The following WNK1 variants were observed in gnomAD, a reference collection of about 807,000 sequenced individuals.
WNK1 encodes serine/threonine-protein kinase WNK1.
A neutral mutation model predicts 222.8 loss-of-function variants in WNK1; 38 were observed. The ratio of observed to expected loss-of-function variants is 0.17; its 90% CI spans 0.13 to 0.22. The LOEUF (loss-of-function observed/expected upper bound fraction) is 0.22, where lower values mean the gene tolerates loss of function less well. Ranked by LOEUF, WNK1 falls within the 10% of genes least tolerant of loss-of-function variation. The pLI is 1.00. For missense variants in WNK1, 2,348 were observed against 2,918.4 expected, an observed-to-expected ratio of 0.80 and a Z score of 4.50; for synonymous variants, 1,090 against 1,092.9, an observed-to-expected ratio of 1.00 and a Z score of 0.05.
intron 1 of WNK1, among the ~76,000 whole-genome samples, chr12:802,920 G>A (rs891114985): frequency 6.6e-5 from 10 of 152,126 alleles, no homozygotes; most frequent in Non-Finnish European, 1.3e-4. Context: ...AGATGGATAT[G>A]TTCAATAAAT....
intron 1 of WNK1, among the ~76,000 whole-genome samples, chr12:806,726 T>C (rs1202050414): frequency 6.6e-6 from 1 of 152,154 alleles, no homozygotes; most frequent in Non-Finnish European, 1.5e-5. Flanking sequence ...AATGAGTGAT[T>C]TGTGGAGAGA....
At chr12:893,507 G>A (rs1384466147) in intron 22 of WNK1, among the ~76,000 whole-genome samples, 1 of 152,082 alleles carries the variant, frequency 6.6e-6, no homozygotes, top group Non-Finnish European at 1.5e-5. Context: ...TCCCCGGAAA[G>A]GTTTTTAAAT....
At chr12:867,213 A>T (rs991427868) in intron 8 of WNK1, among the ~76,000 whole-genome samples, 1 of 152,228 alleles carries the variant, frequency 6.6e-6, no homozygotes, top group African/African-American at 2.4e-5. Context: ...AACATGTTTC[A>T]TGTAGTAAAA....
intron 1 of WNK1, among the ~76,000 whole-genome samples, chr12:774,962 T>A (rs1451591783): frequency 6.6e-6 from 1 of 152,194 alleles, no homozygotes. Flanking sequence ...ATGTCAATAG[T>A]ATATCACTGT....
chr12:841,393 T>G (rs1949614443), intron 4 of WNK1, among the ~76,000 whole-genome samples: 1 of 152,242 alleles, frequency 6.6e-6, no homozygotes, highest in African/African-American at 2.4e-5. Flanking sequence ...CTTCTTTCAC[T>G]TAGCAAAATG....
Position 861,253 on chromosome 12 carries a change from G to C in WNK1, c.1861G>C (p.Ala621Pro). Reference sequence around the variant, plus strand: ...CATACCTACTGCTTCTACCACTTCAGCTTCAGTTTCTACACAAGTAGAACC... The same window carrying C: ...CATACCTACTGCTTCTACCACTTCACCTTCAGTTTCTACACAAGTAGAACC... ...TGIPTASTTS[A>P]SVSTQVEPEE... Residue 621 changes from alanine (A) to proline (P), a missense_variant, in exon 7 of 28, where the codon GCT becomes CCT. Physicochemically the swap from Ala to Pro is conservative, Grantham distance 27. This residue lies in a region of WNK1 where 103 missense variants were observed against 111.5 expected (regional missense o/e 0.92). Transcript: ENST00000315939. The C allele has an allele frequency of 6.2e-7, 1 of 1,614,098 alleles. No homozygotes were observed. The highest frequency in any genetic ancestry group is 8.5e-7 in the Non-Finnish European group (1 of 1,180,002).
Position 763,076 on chromosome 12 carries a change from T to C in WNK1, c.759+8752T>C, listed in dbSNP as rs1253671541. On this transcript the variant is annotated intron_variant, in intron 1 of 27. Transcript: ENST00000315939. ...TTTTATCTTTTGGTTCTGTTTACTT[T>C]GAGGTTTGCAAGACCTCCCGTGGAT... Among the ~76,000 whole-genome samples the C allele has an allele frequency of 1.4e-5, 2 of 147,366 alleles. 1 individual carries two copies. The highest frequency in any genetic ancestry group is 3.0e-5 in the Non-Finnish European group (2 of 65,994).
In WNK1 at chr12:868,970, T is replaced by C. The variant is rs751732237; in HGVS notation, c.2140-2295T>C. The stretch of plus-strand genomic sequence containing the variant: ...AGCTGCACCTTTTGGCTCTGACGTC[T>C]CAATGCCCTTTATCCATCTGCCTCA... On this transcript the variant is annotated intron_variant, in intron 8 of 27. Transcript: ENST00000315939. 3.1e-6 allele frequency: 5 copies of C among 1,592,750 alleles called. No homozygotes were observed. The highest frequency in any genetic ancestry group is 4.3e-6 in the Non-Finnish European group (5 of 1,169,612).
chr12:825,738 G>A (rs1055007243), intron 2 of WNK1, among the ~76,000 whole-genome samples: 1 of 151,942 alleles, frequency 6.6e-6, no homozygotes, highest in Non-Finnish European at 1.5e-5. Context: ...AACAAATTCA[G>A]GAACTGAAAA....
At chr12:892,464 T>G (rs570317816) in intron 22 of WNK1, among the ~76,000 whole-genome samples, 1 of 152,302 alleles carries the variant, frequency 6.6e-6, no homozygotes, top group African/African-American at 2.4e-5. Context: ...AGTTCTCAGA[T>G]AAGTTTAATA....
intron 21 of WNK1, among the ~76,000 whole-genome samples, chr12:889,783 C>T (rs988928644): frequency 6.6e-6 from 1 of 152,122 alleles, no homozygotes; most frequent in Non-Finnish European, 1.5e-5. Context: ...TGCACCACTG[C>T]AGTCCAGCCT....
chr12:892,289 C>T lies in WNK1; in HGVS notation c.5509+1776C>T, dbSNP rs184307906. On this transcript the variant is annotated intron_variant, in intron 22 of 27. Coordinates refer to ENST00000315939, the MANE Select transcript of WNK1 (RefSeq NM_018979.4). Reference sequence around the variant, plus strand: ...TCACAAACTCTTTTTCTGTAAAGGGCGAGATGGTACAAATTTTAGGCTTTC... The same window carrying T: ...TCACAAACTCTTTTTCTGTAAAGGGTGAGATGGTACAAATTTTAGGCTTTC... Among the ~76,000 whole-genome samples, 65 of 151,864 alleles carry T rather than the reference C, an allele frequency of 4.3e-4. No individual in the cohort carries two copies. In the East Asian group the frequency reaches 5.8e-3, roughly 14 times the overall value.
rs192127234 is a variant in WNK1 at position 841,893 on chromosome 12, A to G, written c.1311+11733A>G. Among the ~76,000 whole-genome samples the G allele has an allele frequency of 4.0e-3, 607 of 152,268 alleles. 4 individuals are homozygous for G. Among genetic ancestry groups the G allele is most frequent in the South Asian group, 0.031 (151 of 4,830 alleles). ...GCTCTCATGACCTGATCACCTCCCAAAGACCTTCACCTCTTAATACTGTCT... is the reference window on the plus strand; with the variant it reads ...GCTCTCATGACCTGATCACCTCCCAGAGACCTTCACCTCTTAATACTGTCT... On this transcript the variant is annotated intron_variant, in intron 4 of 27. Coordinates refer to ENST00000315939, the MANE Select transcript of WNK1 (RefSeq NM_018979.4).
In WNK1 at chr12:758,370, GTTC is replaced by G. The variant is rs1400723017; in HGVS notation, c.759+4049_759+4051del. The stretch of plus-strand genomic sequence containing the variant: ...AACCATCATTTATTTCTTTGCTATA[GTTC>G]TTTTTTTTTTTTTTTTTTTTTTTTT... On this transcript the variant is annotated intron_variant, in intron 1 of 27. Coordinates refer to ENST00000315939, the MANE Select transcript of WNK1 (RefSeq NM_018979.4). Among the ~76,000 whole-genome samples, 22 of 69,092 alleles carry G rather than the reference GTTC, an allele frequency of 3.2e-4. 3 individuals carry two copies. Among genetic ancestry groups the G allele is most frequent in the Non-Finnish European group, 5.4e-4 (18 of 33,604 alleles). The allele number at this position is 69,092 out of a possible 152,430, so 45.3% of individuals were successfully genotyped here.
chr12:842,764 A>G (rs1170365036), intron 4 of WNK1, among the ~76,000 whole-genome samples: 2 of 152,116 alleles, frequency 1.3e-5, no homozygotes, highest in African/African-American at 4.8e-5. Flanking sequence ...TGTTTTCTTG[A>G]TCTTCAGGAG....
intron 1 of WNK1, among the ~76,000 whole-genome samples, chr12:764,572 G>A (rs947309728): frequency 1.5e-5 from 2 of 129,574 alleles, no homozygotes; most frequent in African/African-American, 5.4e-5. Context: ...GGAGGTGGAG[G>A]TTGTGGTGAG....
intron 4 of WNK1, among the ~76,000 whole-genome samples, chr12:854,165 C>T (rs1445697663): frequency 6.6e-6 from 1 of 151,740 alleles, no homozygotes. Flanking sequence ...CCCAGCAGTT[C>T]AAGATTAGCC....
At chr12:842,021 C>T (rs1023413737) in intron 4 of WNK1, among the ~76,000 whole-genome samples, 10 of 152,190 alleles carry the variant, frequency 6.6e-5, no homozygotes, top group African/African-American at 2.4e-4. Context: ...AAGGTATTGT[C>T]CTAGAGCTAG....
At chr12:895,944 T>A (rs1313047867) in intron 23 of WNK1, 127 bp from the exon 24 acceptor site, 1 of 1,284,108 alleles carries the variant, frequency 7.8e-7, no homozygotes, top group African/African-American at 1.5e-5. Context: ...AGGCGCTATG[T>A]AAAGAGACAA....
Sources: allele counts gnomAD v4.1 joint callset (sites outside exome capture counted in the v4.1 genomes callset), GRCh38; gene constraint gnomAD v4.1.1; regional missense constraint gnomAD v4.1.1; transcripts MANE v1.5; gene names NCBI Gene and HGNC (gene_info 2026-07-23, HGNC 2026-07-21).